The following KCNAB1 variants were observed in gnomAD, a reference collection of about 807,000 sequenced individuals.
KCNAB1 encodes the protein voltage-gated potassium channel subunit beta-1.
In KCNAB1, 35 loss-of-function variants were observed where a neutral mutation model predicts 64.6. The ratio of observed to expected loss-of-function variants is 0.54; its 90% CI spans 0.41 to 0.72. KCNAB1 has a LOEUF of 0.72. KCNAB1 is among the 30% of genes least tolerant of loss of function. The pLI is 0.00. For missense variants in KCNAB1, 401 were observed against 512.9 expected, an observed-to-expected ratio of 0.78 and a Z score of 2.11; for synonymous variants, 177 against 183.8, an observed-to-expected ratio of 0.96 and a Z score of 0.30.
chr3:156,176,841 A>G, intron 1 of KCNAB1: 1 of 1,018,156 alleles, frequency 9.8e-7, no homozygotes. Flanking sequence ...TCCCAACAGC[A>G]ACTCATGCCG....
At chr3:156,487,241 A>G (rs1715283451) in intron 8 of KCNAB1, among the ~76,000 whole-genome samples, 1 of 152,138 alleles carries the variant, frequency 6.6e-6, no homozygotes, top group African/African-American at 2.4e-5. Flanking sequence ...GGCCCCCTGT[A>G]TAAAATTCAT....
At chr3:156,403,892 T>TAAAAAAAAAAAA (rs200824639) in intron 1 of KCNAB1, among the ~76,000 whole-genome samples, 9 of 136,838 alleles carry the variant, frequency 6.6e-5, no homozygotes, top group South Asian at 2.4e-4. Flanking sequence ...AGACTCTGCC[T>TAAAAAAAAAAAA]AAAAAAAAAA....
intron 1 of KCNAB1, among the ~76,000 whole-genome samples, chr3:156,382,359 G>A (rs1712230361): frequency 6.6e-6 from 1 of 152,100 alleles, no homozygotes; most frequent in Non-Finnish European, 1.5e-5. Context: ...GTGCATGCCT[G>A]TAATCCCAGC....
intron 1 of KCNAB1, among the ~76,000 whole-genome samples, chr3:156,130,493 G>T: frequency 6.6e-6 from 1 of 152,200 alleles, no homozygotes; most frequent in African/African-American, 2.4e-5. Context: ...CCATGTGCAT[G>T]TGATGCCTAT....
At chr3:156,283,479 G>A (rs1293856981) in intron 1 of KCNAB1, among the ~76,000 whole-genome samples, 202 of 148,200 alleles carry the variant, frequency 1.4e-3, no homozygotes, top group African/African-American at 2.5e-3. Context: ...TCTTTGTGGC[G>A]TTCTCTGTAT....
chr3:156,355,016 A>G (rs1725138379), intron 1 of KCNAB1, among the ~76,000 whole-genome samples: 1 of 152,230 alleles, frequency 6.6e-6, no homozygotes, highest in Non-Finnish European at 1.5e-5. Flanking sequence ...GATTGAAGGC[A>G]TTCCTAATTA....
chr3:156,227,722 G>A (rs1716272522), intron 1 of KCNAB1: 2 of 152,220 alleles, frequency 1.3e-5, no homozygotes, highest in African/African-American at 4.8e-5. Context: ...ACAGGCTCAA[G>A]GCCCCCACTA....
intron 1 of KCNAB1, among the ~76,000 whole-genome samples, chr3:156,267,127 G>C (rs1718767770): frequency 6.6e-6 from 1 of 152,056 alleles, no homozygotes; most frequent in South Asian, 2.1e-4. Context: ...TCGGTATATA[G>C]TATATCTTTT....
chr3:156,151,905 C>T (rs1347175475), intron 1 of KCNAB1, among the ~76,000 whole-genome samples: 1 of 152,120 alleles, frequency 6.6e-6, no homozygotes, highest in East Asian at 1.9e-4. Context: ...TTTAGGTCTC[C>T]TTCAATCTGG....
chr3:156,240,123 C>T (rs1419602810), intron 1 of KCNAB1, among the ~76,000 whole-genome samples: 1 of 152,126 alleles, frequency 6.6e-6, no homozygotes, highest in African/African-American at 2.4e-5. Flanking sequence ...TCATGGTTCT[C>T]GAAAATAAAT....
intron 2 of KCNAB1, among the ~76,000 whole-genome samples, chr3:156,431,027 C>T (rs531529163): frequency 6.6e-6 from 1 of 152,302 alleles, no homozygotes; most frequent in Non-Finnish European, 1.5e-5. Context: ...GAATCCATGT[C>T]TCTTGGCCCA....
intron 1 of KCNAB1, among the ~76,000 whole-genome samples, chr3:156,417,365 C>T (rs1447154367): frequency 2.0e-5 from 3 of 152,192 alleles, no homozygotes; most frequent in Non-Finnish European, 4.4e-5. Flanking sequence ...TCAAACCCAG[C>T]TTGTTTCTGC....
chr3:156,399,558 T>A (rs1404979044), intron 1 of KCNAB1, among the ~76,000 whole-genome samples: 1 of 152,156 alleles, frequency 6.6e-6, no homozygotes, highest in African/African-American at 2.4e-5. Flanking sequence ...GCAAAGTTAT[T>A]CAGAGGAAGG....
At chr3:156,399,343 C>T (rs762844421) in intron 1 of KCNAB1, among the ~76,000 whole-genome samples, 3 of 152,196 alleles carry the variant, frequency 2.0e-5, no homozygotes, top group Non-Finnish European at 2.9e-5. Context: ...ATGGTAGTGT[C>T]GTAAAGAGGT....
chr3:156,487,763 T>C (rs1214958924), intron 8 of KCNAB1, among the ~76,000 whole-genome samples: 3 of 152,056 alleles, frequency 2.0e-5, no homozygotes, highest in Non-Finnish European at 4.4e-5. Flanking sequence ...CCTTTGAAAC[T>C]AGAAGCAAGT....
At chr3:156,421,561 T>C in intron 1 of KCNAB1, 55 bp from the exon 2 acceptor site, 3 of 1,559,038 alleles carry the variant, frequency 1.9e-6, no homozygotes, top group Non-Finnish European at 2.7e-6. Context: ...CACTTATGCA[T>C]GTACAGTTCC....
intron 1 of KCNAB1, among the ~76,000 whole-genome samples, chr3:156,332,407 C>A (rs1295230148): frequency 6.6e-6 from 1 of 152,088 alleles, no homozygotes; most frequent in Non-Finnish European, 1.5e-5. Flanking sequence ...AGTCCTTTAA[C>A]CCTCTCAATT....
chr3:156,171,266 C>A (rs570931826), intron 1 of KCNAB1, among the ~76,000 whole-genome samples: 2 of 151,530 alleles, frequency 1.3e-5, no homozygotes, highest in South Asian at 4.2e-4. Flanking sequence ...ACCTGTGTCA[C>A]CCCTTGCAGG....
intron 1 of KCNAB1, among the ~76,000 whole-genome samples, chr3:156,216,019 G>A (rs1715297056): frequency 6.6e-6 from 1 of 152,164 alleles, no homozygotes; most frequent in Non-Finnish European, 1.5e-5. Context: ...CACAGTTCAA[G>A]ATTTTGCTTT....
Sources: allele counts gnomAD v4.1 joint callset (sites outside exome capture counted in the v4.1 genomes callset), GRCh38; gene constraint gnomAD v4.1.1; transcripts MANE v1.5; gene names NCBI Gene and HGNC (gene_info 2026-07-23, HGNC 2026-07-21).